The following UNC13C variants were observed in gnomAD, a reference collection of about 807,000 sequenced individuals.
UNC13C encodes the protein protein unc-13 homolog C.
Under a neutral mutation model 245.4 loss-of-function variants are expected in UNC13C, and 174 were observed. The ratio of observed to expected loss-of-function variants is 0.71; its 90% CI spans 0.63 to 0.80. UNC13C has a LOEUF of 0.80. Among genes scored for constraint, UNC13C ranks in the 30% least tolerant of loss-of-function variants. The pLI is 0.00. For missense variants in UNC13C, 2,829 were observed against 2,602.9 expected (o/e 1.09, Z -1.89); for synonymous variants, 992 against 895.1 (o/e 1.11, Z -1.93).
chr15:54,134,304 G>T (rs370824350), intron 2 of UNC13C, among the ~76,000 whole-genome samples: 1 of 144,142 alleles, frequency 6.9e-6, no homozygotes, highest in Non-Finnish European at 1.5e-5. Flanking sequence ...ACTTATAAGT[G>T]AAATAATATT....
intron 10 of UNC13C, among the ~76,000 whole-genome samples, chr15:54,288,154 A>G (rs954698401): frequency 2.6e-5 from 4 of 152,192 alleles, no homozygotes; most frequent in African/African-American, 9.6e-5. Flanking sequence ...GTATGTAGCA[A>G]CCATAGAGTC....
intron 4 of UNC13C, among the ~76,000 whole-genome samples, chr15:54,152,147 A>G (rs753457056): frequency 4.6e-5 from 7 of 152,084 alleles, no homozygotes; most frequent in Non-Finnish European, 1.0e-4. Context: ...GCATAGTACT[A>G]CTTCTATCCC....
chr15:54,608,434 A>C (rs1374802851), intron 30 of UNC13C, among the ~76,000 whole-genome samples: 3 of 152,310 alleles, frequency 2.0e-5, no homozygotes, highest in African/African-American at 7.2e-5. Context: ...TTCAAATGCA[A>C]ATCTTTCAGA....
intron 17 of UNC13C, among the ~76,000 whole-genome samples, chr15:54,363,420 G>A (rs141634404): frequency 6.6e-6 from 1 of 152,306 alleles, no homozygotes; most frequent in African/African-American, 2.4e-5. Flanking sequence ...TAATCATGAG[G>A]TTTTTATCGA....
intron 2 of UNC13C, among the ~76,000 whole-genome samples, chr15:54,095,473 C>T (rs138961788): frequency 6.6e-6 from 1 of 152,290 alleles, no homozygotes; most frequent in East Asian, 1.9e-4. Context: ...GTTAAGCAAC[C>T]TTCTCTACTT....
chr15:54,072,424 C>T (rs1338685194), intron 2 of UNC13C, among the ~76,000 whole-genome samples: 2 of 152,130 alleles, frequency 1.3e-5, no homozygotes, highest in Non-Finnish European at 2.9e-5. Context: ...GGCCTGGTAG[C>T]TGAGGCTGTC....
chr15:54,109,429 C>T (rs954959770), intron 2 of UNC13C, among the ~76,000 whole-genome samples: 31 of 150,258 alleles, frequency 2.1e-4, no homozygotes, highest in African/African-American at 6.9e-4. Context: ...ACAGCCTCCA[C>T]CTCCCAGGTT....
the UNC13C span, among the ~76,000 whole-genome samples, chr15:53,962,019 C>T: frequency 2.2e-3 from 339 of 152,146 alleles, 2 homozygotes; most frequent in Non-Finnish European, 3.7e-3. Context: ...TGAGTTAATG[C>T]GTTATGTTTT....
chr15:54,415,740 G>A (rs913202429), intron 19 of UNC13C, among the ~76,000 whole-genome samples: 2 of 152,100 alleles, frequency 1.3e-5, no homozygotes, highest in African/African-American at 4.8e-5. Context: ...TGGATGTAGG[G>A]GATGCAACAG....
chr15:54,281,316 A>G (rs1019663619), intron 10 of UNC13C, among the ~76,000 whole-genome samples: 4 of 152,210 alleles, frequency 2.6e-5, no homozygotes, highest in South Asian at 4.1e-4. Flanking sequence ...AAGTTGGATC[A>G]TACACTCCAG....
Position 54,395,590 on chromosome 15 carries a change from T to C in UNC13C, c.4847+2409T>C, listed in dbSNP as rs929365713. ...GACATGCTAAAAGTAGCTTGGGTTT[T>C]GTTTTAGAGGCAAAGGCAAGTGAAT... On this transcript the variant is annotated intron_variant, in intron 18 of 32. Coordinates refer to ENST00000260323, the MANE Select transcript of UNC13C (RefSeq NM_001080534.3). Among the ~76,000 whole-genome samples the C allele has an allele frequency of 1.1e-4, 16 of 151,918 alleles. 1 individual carries two copies. The highest frequency in any genetic ancestry group is 2.0e-4 in the Admixed American group (3 of 15,206).
In UNC13C at chr15:54,191,384, C is replaced by A. The variant is rs183772969; in HGVS notation, c.3072-43646C>A. 4.2e-3 allele frequency among the ~76,000 whole-genome samples: 644 copies of A among 152,218 alleles called. 3 individuals carry two copies. Among genetic ancestry groups the A allele is most frequent in the African/African-American group, 0.015 (620 of 41,544 alleles). The stretch of plus-strand genomic sequence containing the variant: ...GTCCCTGTAAAGGACATGAACTCAT[C>A]CTTTTTTATGGCTGCATAGTATTCC... On this transcript the variant is annotated intron_variant, in intron 4 of 32. Coordinates refer to ENST00000260323, the MANE Select transcript of UNC13C (RefSeq NM_001080534.3).
intron 8 of UNC13C, among the ~76,000 whole-genome samples, chr15:54,258,764 C>A (rs1365751750): frequency 6.6e-6 from 1 of 152,142 alleles, no homozygotes; most frequent in Non-Finnish European, 1.5e-5. Flanking sequence ...TATGTGTTAT[C>A]TCATTGAATC....
At chr15:53,888,235 T>C in the UNC13C span, among the ~76,000 whole-genome samples, 1 of 152,214 alleles carries the variant, frequency 6.6e-6, no homozygotes, top group African/African-American at 2.4e-5. Flanking sequence ...GACTTTTTAA[T>C]GATCACCATT....
At chr15:54,501,852 G>A (rs1894231502) in intron 22 of UNC13C, among the ~76,000 whole-genome samples, 1 of 152,132 alleles carries the variant, frequency 6.6e-6, no homozygotes, top group African/African-American at 2.4e-5. Flanking sequence ...GTAAAGCTGA[G>A]ACTGACATGG....
intron 10 of UNC13C, among the ~76,000 whole-genome samples, chr15:54,291,409 A>G (rs970383652): frequency 1.3e-5 from 2 of 152,050 alleles, no homozygotes; most frequent in Non-Finnish European, 2.9e-5. Context: ...TAAGAATGAC[A>G]AAATTATTTT....
intron 4 of UNC13C, among the ~76,000 whole-genome samples, chr15:54,159,480 C>T (rs2032887182): frequency 6.6e-6 from 1 of 152,196 alleles, no homozygotes; most frequent in Admixed American, 6.5e-5. Context: ...ATGCCTAAGG[C>T]ACTGTTTCCT....
the UNC13C span, among the ~76,000 whole-genome samples, chr15:53,958,708 C>A: frequency 0.48 from 73,524 of 151,948 alleles, 17,967 homozygotes; most frequent in East Asian, 0.61. Context: ...TTTTGGGGAT[C>A]CACATGATAG....
the UNC13C span, among the ~76,000 whole-genome samples, chr15:53,844,371 G>A: frequency 6.6e-6 from 1 of 152,164 alleles, no homozygotes; most frequent in Admixed American, 6.6e-5. Context: ...TGCAATGAGA[G>A]AGAAATACTT....
Sources: gnomAD v4.1 joint callset for allele counts (sites outside exome capture counted in the v4.1 genomes callset) on GRCh38, gnomAD v4.1.1 for gene constraint, MANE v1.5 for transcripts, NCBI Gene and HGNC (gene_info 2026-07-23, HGNC 2026-07-21) for gene names.